TNRC6B: variants seen among roughly 807,000 people sequenced by gnomAD.
TNRC6B encodes the protein trinucleotide repeat-containing gene 6B protein.
A neutral mutation model predicts 203.6 loss-of-function variants in TNRC6B; 52 were observed. The observed-to-expected ratio is 0.26, with a 90% CI of 0.20 to 0.32. The LOEUF (loss-of-function observed/expected upper bound fraction) is 0.32. Ranked by LOEUF, TNRC6B falls within the 10% of genes least tolerant of loss-of-function variation. TNRC6B has a pLI of 1.00. For missense variants in TNRC6B, 1,923 were observed against 2,286.2 expected (o/e 0.84, Z 3.24); for synonymous variants, 838 against 845.7 (o/e 0.99, Z 0.16).
intron 3 of TNRC6B, among the ~76,000 whole-genome samples, chr22:40,257,518 G>T (rs189414217): frequency 6.6e-6 from 1 of 150,608 alleles, no homozygotes; most frequent in Non-Finnish European, 1.5e-5. Flanking sequence ...GTAGTTCGAG[G>T]CCAGCCTGGC....
At chr22:40,284,014 T>C (rs1000956891) in intron 11 of TNRC6B, among the ~76,000 whole-genome samples, 4 of 152,218 alleles carry the variant, frequency 2.6e-5, no homozygotes, top group Non-Finnish European at 5.9e-5. Context: ...ATATCCTTGG[T>C]GAAATAAATG....
rs2071454895 is a variant in TNRC6B, at chr22:40,330,609, ACTT to A, written c.*7372_*7374del. ...ACCAAGTGATGCATTTTAGCATGAC[ACTT>A]CTTGCCAGAAATTTTGGGATAAGTT... On this transcript the variant is annotated 3_prime_UTR_variant, in exon 23 of 23. Transcript: ENST00000454349. The A allele has an allele frequency of 6.5e-6, 1 of 152,688 alleles. No individual in the cohort carries two copies. The highest frequency in any genetic ancestry group is 2.4e-5 in the African/African-American group (1 of 41,470). 9.5% of individuals were successfully genotyped at this position (152,688 alleles called of 1,614,324 possible).
At chr22:40,244,617 C>G (rs1402731571) in intron 1 of TNRC6B, among the ~76,000 whole-genome samples, 2 of 152,134 alleles carry the variant, frequency 1.3e-5, no homozygotes, top group Non-Finnish European at 2.9e-5. Flanking sequence ...ATGATTTTGC[C>G]ATGTTTGCAA....
intron 3 of TNRC6B, among the ~76,000 whole-genome samples, chr22:40,132,969 A>AAAAAATATATATATATATATATATAT (rs1282694632): frequency 1.3e-5 from 1 of 78,188 alleles, no homozygotes; most frequent in Non-Finnish European, 2.6e-5. Flanking sequence ...AAAAAAAAAA[A>AAAAAATATATATATATATATATATAT]ATATATATAT....
intron 3 of TNRC6B, among the ~76,000 whole-genome samples, chr22:40,259,429 G>A (rs536430663): frequency 1.3e-5 from 2 of 152,180 alleles, no homozygotes; most frequent in Non-Finnish European, 2.9e-5. Flanking sequence ...TCACAATGTC[G>A]GCCAGGATGG....
intron 3 of TNRC6B, among the ~76,000 whole-genome samples, chr22:40,148,458 AT>A (rs1168470658): frequency 1.4e-4 from 22 of 151,766 alleles, no homozygotes; most frequent in African/African-American, 4.6e-4. Flanking sequence ...TAATTTTTGT[AT>A]TTTTAGTAGA....
intron 1 of TNRC6B, among the ~76,000 whole-genome samples, chr22:40,195,104 ATG>A (rs2069320115): frequency 6.6e-6 from 1 of 152,134 alleles, no homozygotes. Context: ...AGAGACAACA[ATG>A]TATGTTCATG....
intron 3 of TNRC6B, among the ~76,000 whole-genome samples, chr22:40,145,467 C>G (rs2068685990): frequency 6.6e-6 from 1 of 152,144 alleles, no homozygotes; most frequent in Non-Finnish European, 1.5e-5. Context: ...TTTTTAACTG[C>G]AGTACCTGCA....
chr22:40,197,792 A>G (rs547252044), intron 1 of TNRC6B, among the ~76,000 whole-genome samples: 1 of 151,198 alleles, frequency 6.6e-6, no homozygotes, highest in Admixed American at 6.6e-5. Context: ...AACTTCTTTT[A>G]ACAGAGACAG....
At chr22:40,068,360 C>T (rs2067915029) in intron 1 of TNRC6B, among the ~76,000 whole-genome samples, 1 of 152,118 alleles carries the variant, frequency 6.6e-6, no homozygotes, top group Non-Finnish European at 1.5e-5. Flanking sequence ...CTCTGCTGCC[C>T]AGGCTGGAGT....
At chr22:40,313,517 G>C (rs921208296) in intron 19 of TNRC6B, among the ~76,000 whole-genome samples, 7 of 152,128 alleles carry the variant, frequency 4.6e-5, no homozygotes, top group Admixed American at 2.6e-4. Context: ...AAATGGAAAA[G>C]TTGGTGGATA....
At chr22:40,121,783 G>A (rs1170059964) in intron 2 of TNRC6B, among the ~76,000 whole-genome samples, 2 of 152,214 alleles carry the variant, frequency 1.3e-5, no homozygotes, top group East Asian at 1.9e-4. Context: ...CCTAGTGTAC[G>A]CAGCCTTGTC....
intron 1 of TNRC6B, among the ~76,000 whole-genome samples, chr22:40,095,553 A>G (rs779401365): frequency 2.6e-5 from 4 of 152,042 alleles, no homozygotes; most frequent in African/African-American, 9.7e-5. Context: ...AAATAATGAT[A>G]TTACCACAAT....
intron 3 of TNRC6B, among the ~76,000 whole-genome samples, chr22:40,260,050 C>T (rs927715368): frequency 6.6e-6 from 1 of 152,072 alleles, no homozygotes; most frequent in African/African-American, 2.4e-5. Flanking sequence ...CCAGAGGGTC[C>T]GGCAGAGTGC....
At chr22:40,310,765 G>T (rs1473367061) in intron 16 of TNRC6B, 52 bp from the exon 17 acceptor site, 1 of 1,524,274 alleles carries the variant, frequency 6.6e-7, no homozygotes, top group African/African-American at 1.4e-5. Context: ...AAATAGACAA[G>T]TTCTATTCAT....
At chr22:40,249,989 G>A (rs980049374) in intron 2 of TNRC6B, among the ~76,000 whole-genome samples, 5 of 152,156 alleles carry the variant, frequency 3.3e-5, no homozygotes, top group African/African-American at 7.2e-5. Context: ...GATCCATTGC[G>A]AGGTGGGCTG....
chr22:40,276,933 C>A, intron 7 of TNRC6B, 144 bp from the exon 8 acceptor site: 1 of 504,452 alleles, frequency 2.0e-6, no homozygotes, highest in Non-Finnish European at 3.3e-6. Flanking sequence ...TTTAAACTAA[C>A]ATAAAATATC....
At chr22:40,294,369 G>A (rs552472565) in intron 12 of TNRC6B, among the ~76,000 whole-genome samples, 22 of 152,202 alleles carry the variant, frequency 1.4e-4, no homozygotes, top group African/African-American at 4.3e-4. Flanking sequence ...ATGTTCTCCC[G>A]TATGTGTCTC....
chr22:40,303,586 T>C (rs2071053154), intron 15 of TNRC6B, among the ~76,000 whole-genome samples: 3 of 152,280 alleles, frequency 2.0e-5, no homozygotes, highest in South Asian at 4.1e-4. Flanking sequence ...ATCTGCCTTA[T>C]AAGATAGATG....
Sources: allele counts gnomAD v4.1 joint callset (sites outside exome capture counted in the v4.1 genomes callset), GRCh38; gene constraint gnomAD v4.1.1; transcripts MANE v1.5; gene names NCBI Gene and HGNC (gene_info 2026-07-23, HGNC 2026-07-21).